The following KCNT2 variants were observed in gnomAD, a reference collection of about 807,000 sequenced individuals.
KCNT2 encodes the protein potassium sodium-activated channel subfamily T member 2.
KCNT2 carries 67 observed loss-of-function variants against 153.8 expected under a neutral mutation model. The observed-to-expected ratio is 0.44, with a 90% CI of 0.36 to 0.53. KCNT2 has a LOEUF of 0.53. KCNT2 is among the 20% of genes least tolerant of loss of function. The pLI, the probability that KCNT2 is intolerant of heterozygous loss-of-function variation, is 0.00. For missense variants in KCNT2, 975 were observed against 1,354.8 expected (o/e 0.72, Z 4.40); for synonymous variants, 500 against 458.8 (o/e 1.09, Z -1.15).
intron 13 of KCNT2, among the ~76,000 whole-genome samples, chr1:196,394,873 G>A (rs950113322): frequency 6.6e-6 from 1 of 151,210 alleles, no homozygotes; most frequent in East Asian, 1.9e-4. Flanking sequence ...ACCTATGTTT[G>A]TACCTAAATG....
rs1665487722 is a variant in KCNT2 at position 196,340,251 on chromosome 1, CT to C, written c.1783+89del. ...CAGCATGTTTGAAATTTTCTTTAAACTTTTAATAAAAATTTAAATGCATTGG... is the reference window on the plus strand; with the variant it reads ...CAGCATGTTTGAAATTTTCTTTAAACTTTAATAAAAATTTAAATGCATTGG... On this transcript the variant is annotated intron_variant, in intron 16 of 27. Coordinates refer to ENST00000294725, the MANE Select transcript of KCNT2 (RefSeq NM_198503.5). 7 of 837,520 alleles carry C rather than the reference CT, an allele frequency of 8.4e-6. No individual in the cohort carries two copies. The East Asian group carries it at 1.9e-4, about 23-fold the overall frequency. The allele number at this position is 837,520 out of a possible 1,614,324, so 51.9% of individuals were successfully genotyped here. A position where few individuals can be genotyped will look rare whatever the true frequency, so the allele number is the denominator to read the frequency against.
At chr1:196,573,384 T>C (rs896696185) in intron 1 of KCNT2, among the ~76,000 whole-genome samples, 1 of 152,080 alleles carries the variant, frequency 6.6e-6, no homozygotes, top group African/African-American at 2.4e-5. Context: ...CAGACACTGT[T>C]CTTTTGATAT....
chr1:196,476,192 G>C (rs1310777497), intron 5 of KCNT2, among the ~76,000 whole-genome samples: 2 of 151,972 alleles, frequency 1.3e-5, no homozygotes, highest in Non-Finnish European at 2.9e-5. Flanking sequence ...TAATATTTTG[G>C]CCATGTTACA....
intron 8 of KCNT2, 31 bp downstream of exon 8, chr1:196,465,262 A>G: frequency 1.8e-6 from 2 of 1,130,338 alleles, no homozygotes; most frequent in African/African-American, 1.6e-5. Context: ...TAAATGAAAC[A>G]TAACACAAAT....
chr1:196,228,903 A>C (rs1653705861), intron 27 of KCNT2, among the ~76,000 whole-genome samples: 1 of 152,150 alleles, frequency 6.6e-6, no homozygotes, highest in Non-Finnish European at 1.5e-5. Flanking sequence ...AATATAATGC[A>C]TAACGTTTAA....
rs898940160 is a variant in KCNT2 at position 196,419,481 on chromosome 1, G to C, written c.1185+3569C>G. 2.0e-5 allele frequency among the ~76,000 whole-genome samples: 3 copies of C among 151,244 alleles called. No homozygotes were observed. In the East Asian group the frequency reaches 5.9e-4, roughly 30 times the overall value. On this transcript the variant is annotated intron_variant, in intron 12 of 27. Coordinates refer to ENST00000294725, the MANE Select transcript of KCNT2 (RefSeq NM_198503.5). Reference sequence around the variant, plus strand: ...AGTTTGCTGAGAATGATGGTTTCCAGCTGCATCCATGTCCCTACAAAGGAC... The same window carrying C: ...AGTTTGCTGAGAATGATGGTTTCCACCTGCATCCATGTCCCTACAAAGGAC...
At chr1:196,376,709 A>G (rs1669000183) in intron 13 of KCNT2, among the ~76,000 whole-genome samples, 1 of 152,002 alleles carries the variant, frequency 6.6e-6, no homozygotes, top group African/African-American at 2.4e-5. Flanking sequence ...AACCATCCCT[A>G]TAAATTTTAT....
chr1:196,379,786 C>T (rs570786211), intron 13 of KCNT2, among the ~76,000 whole-genome samples: 1 of 152,092 alleles, frequency 6.6e-6, no homozygotes, highest in South Asian at 2.1e-4. Context: ...GTGAGTGTGC[C>T]AGGCCATGGG....
chr1:196,527,012 T>C (rs1017698677), intron 1 of KCNT2, among the ~76,000 whole-genome samples: 2 of 152,130 alleles, frequency 1.3e-5, no homozygotes, highest in African/African-American at 4.8e-5. Context: ...CAAACTCTAT[T>C]GTGAACTGTG....
intron 14 of KCNT2, among the ~76,000 whole-genome samples, chr1:196,343,927 C>T (rs938187728): frequency 6.6e-6 from 1 of 152,054 alleles, no homozygotes; most frequent in African/African-American, 2.4e-5. Context: ...TTACAGGCAC[C>T]TGCCACCATG....
chr1:196,565,173 C>T (rs1252662570), intron 1 of KCNT2, among the ~76,000 whole-genome samples: 2 of 149,302 alleles, frequency 1.3e-5, no homozygotes, highest in African/African-American at 4.9e-5. Flanking sequence ...ATATAAATGG[C>T]CAATAGATAT....
chr1:196,430,205 T>C (rs754674792), intron 8 of KCNT2, among the ~76,000 whole-genome samples: 5 of 152,026 alleles, frequency 3.3e-5, no homozygotes, highest in Admixed American at 3.3e-4. Context: ...GAGTTAACAA[T>C]TGCCAAATGC....
intron 9 of KCNT2, 83 bp downstream of exon 9, chr1:196,429,494 C>T (rs1673947411): frequency 2.4e-6 from 2 of 849,190 alleles, no homozygotes; most frequent in South Asian, 2.6e-5. Context: ...ATAAATAAGC[C>T]ACTTTCCATT....
At chr1:196,291,734 T>C (rs1660204960) in intron 22 of KCNT2, among the ~76,000 whole-genome samples, 1 of 152,272 alleles carries the variant, frequency 6.6e-6, no homozygotes, top group Admixed American at 6.5e-5. Context: ...TTTAATAAGT[T>C]CCATCATTTA....
At position 196,342,139 on chromosome 1, in the gene KCNT2, G is replaced by A. The variant is rs1253887998; in HGVS notation, c.1493C>T (p.Thr498Ile). 1 of 1,610,718 alleles carries A rather than the reference G, an allele frequency of 6.2e-7. No homozygotes were observed. The highest frequency in any genetic ancestry group is 8.5e-7 in the Non-Finnish European group (1 of 1,178,472). ...CTTTCCTTCATATTCAGCAAAAAAT[G>A]TACTTTCTTCCAAAACAATGTGGTA... Reference protein sequence around the residue: ...EVYHIVLEESTFFAEYEGKSF... With the variant: ...EVYHIVLEESIFFAEYEGKSF... Residue 498 changes from threonine to isoleucine, a missense_variant, in exon 15 of 28, where the codon ACA becomes ATA. This residue lies in a region of KCNT2 where 325 missense variants were observed against 388.1 expected (regional missense o/e 0.84). Coordinates refer to ENST00000294725, the MANE Select transcript of KCNT2 (RefSeq NM_198503.5).
chr1:196,307,180 T>C (rs2147986667), intron 21 of KCNT2, among the ~76,000 whole-genome samples: 1 of 152,230 alleles, frequency 6.6e-6, no homozygotes, highest in Non-Finnish European at 1.5e-5. Context: ...AAAGAAAGGA[T>C]GTAGCAAAGC....
chr1:196,490,926 T>G (rs1257006248), intron 2 of KCNT2, among the ~76,000 whole-genome samples: 1 of 152,042 alleles, frequency 6.6e-6, no homozygotes, highest in Non-Finnish European at 1.5e-5. Context: ...CTGTTGTGAG[T>G]GTACTTGTGG....
At chr1:196,531,553 G>C (rs1654942829) in intron 1 of KCNT2, among the ~76,000 whole-genome samples, 1 of 152,038 alleles carries the variant, frequency 6.6e-6, no homozygotes. Context: ...ACGGGTCAAA[G>C]CTTCTCCATA....
At chr1:196,473,262 C>A (rs1678253264) in intron 5 of KCNT2, among the ~76,000 whole-genome samples, 1 of 152,284 alleles carries the variant, frequency 6.6e-6, no homozygotes, top group African/African-American at 2.4e-5. Flanking sequence ...TAGGCAGGAT[C>A]TGACCCCCAC....
Sources: gnomAD v4.1 joint callset for allele counts (sites outside exome capture counted in the v4.1 genomes callset) on GRCh38, gnomAD v4.1.1 for gene constraint, gnomAD v4.1.1 regional missense constraint, MANE v1.5 for transcripts, NCBI Gene and HGNC (gene_info 2026-07-23, HGNC 2026-07-21) for gene names.